The following MTHFD1 variants were observed in gnomAD, a reference collection of about 807,000 sequenced individuals.
MTHFD1 encodes methylenetetrahydrofolate dehydrogenase, cyclohydrolase and formyltetrahydrofolate synthetase 1.
A neutral mutation model predicts 110.3 loss-of-function variants in MTHFD1; 44 were observed. The ratio of observed to expected loss-of-function variants is 0.40; its 90% CI spans 0.31 to 0.51. MTHFD1 has a LOEUF of 0.51. Among genes scored for constraint, MTHFD1 ranks in the 20% least tolerant of loss-of-function variants. MTHFD1 has a pLI of 0.60. For synonymous variants in MTHFD1, 402 were observed against 428.8 expected, an observed-to-expected ratio of 0.94 and a Z score of 0.77; for missense variants, 909 against 1,173.1, an observed-to-expected ratio of 0.77 and a Z score of 3.29.
Position 64,433,713 on chromosome 14 carries a change from CA to C in MTHFD1, c.1494+1853del, listed in dbSNP as rs1254399578. On this transcript the variant is annotated intron_variant, in intron 15 of 27. Transcript: ENST00000652337. The stretch of plus-strand genomic sequence containing the variant: ...TACTTGCATGAACCACTGAGCTCAG[CA>C]TTTTTTTTTTTTTTTTTTTTTTAAG... Among the ~76,000 whole-genome samples the C allele has an allele frequency of 1.3e-3, 178 of 133,254 alleles. 2 individuals are homozygous for C. The highest frequency in any genetic ancestry group is 4.0e-3 in the Middle Eastern group (1 of 250). 87.4% of individuals were successfully genotyped at this position (133,254 alleles called of 152,430 possible).
Position 64,419,821 on chromosome 14 carries a change from A to C in MTHFD1, c.623A>C (p.Lys208Thr), listed in dbSNP as rs761591530. 6.2e-7 allele frequency: 1 copy of C among 1,612,516 alleles called. No homozygotes were observed. Among genetic ancestry groups the C allele is most frequent in the South Asian group, 1.1e-5 (1 of 91,050 alleles). Residue 208 changes from lysine to threonine, a missense_variant, in exon 8 of 28, where the codon AAA becomes ACA. Coordinates refer to ENST00000652337, the MANE Select transcript of MTHFD1 (RefSeq NM_005956.4). ...KTAHLDEEVN[K>T]GDILVVATGQ... The stretch of plus-strand genomic sequence containing the variant: ...CAAATCCCCTACCCCTAGGTAAATA[A>C]AGGTGACATCCTGGTGGTTGCAACT...
At chr14:64,396,432 C>CA (rs2077849709) in intron 1 of MTHFD1, among the ~76,000 whole-genome samples, 1 of 144,200 alleles carries the variant, frequency 6.9e-6, no homozygotes, top group Non-Finnish European at 1.5e-5. Flanking sequence ...ACTCTTGTTG[C>CA]CTAGGCTGGA....
intron 1 of MTHFD1, among the ~76,000 whole-genome samples, chr14:64,392,698 C>G (rs2077816219): frequency 6.6e-6 from 1 of 152,086 alleles, no homozygotes; most frequent in Non-Finnish European, 1.5e-5. Flanking sequence ...GCCTTAGCTT[C>G]TGTATATTGG....
chr14:64,444,219 C>T (rs765505883), intron 21 of MTHFD1, among the ~76,000 whole-genome samples: 3 of 152,158 alleles, frequency 2.0e-5, no homozygotes, highest in Admixed American at 1.3e-4. Flanking sequence ...TGTATTGACC[C>T]TGCACCACGG....
chr14:64,398,335 C>T (rs1178105366), intron 1 of MTHFD1, among the ~76,000 whole-genome samples: 1 of 152,134 alleles, frequency 6.6e-6, no homozygotes, highest in Non-Finnish European at 1.5e-5. Context: ...CACTTGAGCT[C>T]AGGAGTTCAA....
Position 64,458,196 on chromosome 14 carries a change from T to A in MTHFD1, c.2719-18T>A. 6.4e-7 allele frequency: 1 copy of A among 1,574,176 alleles called. No homozygotes were observed. The highest frequency in any genetic ancestry group is 8.7e-7 in the Non-Finnish European group (1 of 1,143,488). On this transcript the variant is annotated intron_variant, in intron 26 of 27. Transcript: ENST00000652337. ...GTGCCCAGCATTAGTTTATTTGTAA[T>A]GCTTTTTTACATCCTAGATGAGCAC...
chr14:64,450,654 T>C (rs1013026698), intron 24 of MTHFD1, among the ~76,000 whole-genome samples: 2 of 152,334 alleles, frequency 1.3e-5, no homozygotes, highest in East Asian at 3.9e-4. Context: ...ATATGAGATA[T>C]ATGCTGTAGT....
intron 9 of MTHFD1, 142 bp from the exon 10 acceptor site, chr14:64,425,588 C>T (rs1296539239): frequency 1.3e-6 from 1 of 764,188 alleles, no homozygotes; most frequent in Non-Finnish European, 2.3e-6. Context: ...CCTCTTGACT[C>T]TTAGCTAGGA....
At chr14:64,419,985 A>C in intron 8 of MTHFD1, 60 bp downstream of exon 8, 1 of 1,168,144 alleles carries the variant, frequency 8.6e-7, no homozygotes, top group Non-Finnish European at 1.3e-6. Context: ...CTAGGTCATC[A>C]AAAGAAGCCT....
intron 18 of MTHFD1, 38 bp downstream of exon 18, chr14:64,440,304 G>A (rs765780763): frequency 6.2e-7 from 1 of 1,613,788 alleles, no homozygotes; most frequent in Non-Finnish European, 8.5e-7. Context: ...CGACATATCT[G>A]TGTCTGTTGT....
chr14:64,435,641 A>G lies in MTHFD1; in HGVS notation c.1567A>G (p.Ile523Val), dbSNP rs1381553511. ...EEINRFARLD[I>V]DPETITWQRV... ...GATAAACAGATTTGCAAGATTGGAC[A>G]TTGATCCAGAAACCATAACTTGGCA... The change falls in exon 16 of 28, where the codon ATT becomes GTT. Residue 523 changes from isoleucine (I) to valine (V), a missense_variant. Physicochemically the swap from Ile to Val is conservative, Grantham distance 29. Transcript: ENST00000652337. The G allele has an allele frequency of 1.4e-5, 22 of 1,612,380 alleles. No homozygotes were observed. Among genetic ancestry groups the G allele is most frequent in the Non-Finnish European group, 1.9e-5 (22 of 1,178,540 alleles).
intron 17 of MTHFD1, 91 bp from the exon 18 acceptor site, chr14:64,440,035 A>T: frequency 8.4e-7 from 1 of 1,184,734 alleles, no homozygotes; most frequent in Non-Finnish European, 1.2e-6. Context: ...CTATTTGTTT[A>T]AGCCTCAGAT....
intron 26 of MTHFD1, 145 bp from the exon 27 acceptor site, chr14:64,458,069 C>G (rs1156231758): frequency 1.4e-6 from 1 of 739,328 alleles, no homozygotes; most frequent in Non-Finnish European, 2.5e-6. Flanking sequence ...TTTTTATTTC[C>G]TGTAGAGATG....
chr14:64,389,220 A>G (rs1047858778), intron 1 of MTHFD1: 1 of 152,334 alleles, frequency 6.6e-6, no homozygotes, highest in Non-Finnish European at 1.5e-5. Context: ...TAGAAGGAAG[A>G]GGGAAAAATA....
In MTHFD1 at chr14:64,407,018, C is replaced by T. The variant is rs73277938; in HGVS notation, c.127-4072C>T. ...CCCATTTGTTCTTCCCCTTTGTTTTCCTAATTCCTTAGCAATGCATTCAAG... is the reference window on the plus strand; with the variant it reads ...CCCATTTGTTCTTCCCCTTTGTTTTTCTAATTCCTTAGCAATGCATTCAAG... On this transcript the variant is annotated intron_variant, in intron 2 of 27. Transcript: ENST00000652337. Among the ~76,000 whole-genome samples the T allele has an allele frequency of 6.9e-3, 1,048 of 152,186 alleles. 13 individuals carry two copies. The highest frequency in any genetic ancestry group is 0.023 in the African/African-American group (967 of 41,520).
intron 24 of MTHFD1, among the ~76,000 whole-genome samples, chr14:64,450,012 G>C (rs111315344): frequency 2.0e-5 from 3 of 152,108 alleles, no homozygotes; most frequent in Non-Finnish European, 4.4e-5. Context: ...GGCTGGTCTC[G>C]AACTCCTGAC....
intron 2 of MTHFD1, 59 bp downstream of exon 2, chr14:64,400,936 C>T: frequency 8.2e-7 from 1 of 1,225,622 alleles, no homozygotes; most frequent in Non-Finnish European, 1.2e-6. Context: ...AGTATCATTT[C>T]AGACCTCTCC....
chr14:64,446,321 C>A (rs1035892983), intron 22 of MTHFD1, among the ~76,000 whole-genome samples: 5 of 152,146 alleles, frequency 3.3e-5, no homozygotes, highest in African/African-American at 9.7e-5. Context: ...ACATCTTGGA[C>A]AGGTTCCATG....
At chr14:64,450,315 T>C (rs1273920085) in intron 24 of MTHFD1, among the ~76,000 whole-genome samples, 1 of 152,166 alleles carries the variant, frequency 6.6e-6, no homozygotes. Flanking sequence ...GCATCGAGCT[T>C]ACAAAATTTT....
Sources: allele counts gnomAD v4.1 joint callset (sites outside exome capture counted in the v4.1 genomes callset), GRCh38; gene constraint gnomAD v4.1.1; transcripts MANE v1.5; gene names NCBI Gene and HGNC (gene_info 2026-07-23, HGNC 2026-07-21).